CEACAM8: variants seen among roughly 807,000 people sequenced by gnomAD.
The protein encoded by CEACAM8 is CEA cell adhesion molecule 8.
A neutral mutation model predicts 33.4 loss-of-function variants in CEACAM8; 31 were observed. The ratio of observed to expected loss-of-function variants is 0.93; its 90% CI spans 0.70 to 1.25. CEACAM8 has a LOEUF of 1.25. Ranked by LOEUF, CEACAM8 falls within the 50% of genes most tolerant of loss-of-function variation. The probability of loss-of-function intolerance (pLI) is 0.00; values close to 1 mark genes in which losing one functional copy is unlikely to be tolerated. For synonymous variants in CEACAM8, 138 were observed against 164.5 expected, an observed-to-expected ratio of 0.84 and a Z score of 1.23; for missense variants, 388 against 434.6, an observed-to-expected ratio of 0.89 and a Z score of 0.95.
At chr19:42,582,356 T>G (rs1360318041) in intron 5 of CEACAM8, among the ~76,000 whole-genome samples, 1 of 152,240 alleles carries the variant, frequency 6.6e-6, no homozygotes, top group Non-Finnish European at 1.5e-5. Context: ...ATGATTATTT[T>G]TCATATCTTA....
intron 3 of CEACAM8, 106 bp downstream of exon 3, chr19:42,589,351 G>A: frequency 2.6e-6 from 4 of 1,541,542 alleles, no homozygotes; most frequent in Non-Finnish European, 3.6e-6. Flanking sequence ...CTAGGGGTGG[G>A]TGGGGAATCT....
chr19:42,593,473 C>A (rs2042483579), intron 2 of CEACAM8, 68 bp downstream of exon 2: 1 of 1,524,086 alleles, frequency 6.6e-7, no homozygotes, highest in East Asian at 2.3e-5. Flanking sequence ...ACAGCCCAGG[C>A]CTAACAATCC....
At position 42,588,800 on chromosome 19, in the gene CEACAM8, C is replaced by T; in HGVS notation, c.942G>A (p.Arg314=). 1 of 1,614,144 alleles carries T rather than the reference C, an allele frequency of 6.2e-7. No homozygotes were observed. Among genetic ancestry groups the T allele is most frequent in the Non-Finnish European group, 8.5e-7 (1 of 1,180,006 alleles). ...SATGRNRTTV[R]MITVSDALVQ... is the part of the protein sequence containing the mutation. ...TCCACTTACCAGAGACTGTGATCATCCTGACTGTGGTCCTGTTGCGGCCAG... is the reference window on the plus strand; with the variant it reads ...TCCACTTACCAGAGACTGTGATCATTCTGACTGTGGTCCTGTTGCGGCCAG... The change falls in exon 4 of 6, where the codon AGG becomes AGA. Residue 314 remains arginine (R), a synonymous_variant. Coordinates refer to ENST00000244336, the MANE Select transcript of CEACAM8 (RefSeq NM_001816.4).
chr19:42,592,890 G>A (rs1270172798), intron 2 of CEACAM8, among the ~76,000 whole-genome samples: 7 of 152,150 alleles, frequency 4.6e-5, no homozygotes, highest in Non-Finnish European at 1.0e-4. Context: ...AAGCCTCCCA[G>A]GCCAGTTGGC....
intron 4 of CEACAM8, among the ~76,000 whole-genome samples, chr19:42,586,871 C>G (rs1438522984): frequency 1.3e-5 from 2 of 152,070 alleles, no homozygotes; most frequent in Admixed American, 6.5e-5. Context: ...TGAAGAACTA[C>G]TACAAATCCA....
chr19:42,588,423 G>C (rs1324462371), intron 4 of CEACAM8, among the ~76,000 whole-genome samples: 2 of 152,164 alleles, frequency 1.3e-5, no homozygotes, highest in African/African-American at 4.8e-5. Context: ...ATAGGTAAAA[G>C]AAAACAAAGG....
In CEACAM8 at chr19:42,581,243, G is replaced by A. The variant is rs1488509891; in HGVS notation, c.*151C>T. On this transcript the variant is annotated 3_prime_UTR_variant, in exon 6 of 6. Transcript: ENST00000244336. ...AGTGGCGTGATCTTAAAGTTATCAGGAACTTGTGTTCAAGAGTACTCGTCA... is the reference window on the plus strand; with the variant it reads ...AGTGGCGTGATCTTAAAGTTATCAGAAACTTGTGTTCAAGAGTACTCGTCA... 1 of 152,108 alleles carries A rather than the reference G, an allele frequency of 6.6e-6. No individual in the cohort carries two copies. The highest frequency in any genetic ancestry group is 1.5e-5 in the Non-Finnish European group (1 of 68,012). 9.4% of individuals were successfully genotyped at this position (152,108 alleles called of 1,614,324 possible).
At position 42,583,243 on chromosome 19, in the gene CEACAM8, C is replaced by G; in HGVS notation, c.*3G>C. ...TTGAAATGCAGAAACTACACCAGAG[C>G]TACTATATCAGAGCCACCCTGGCCA... On this transcript the variant is annotated 3_prime_UTR_variant, in exon 5 of 6. Transcript: ENST00000244336. 6.3e-7 allele frequency: 1 copy of G among 1,585,440 alleles called. No homozygotes were observed. The highest frequency in any genetic ancestry group is 8.6e-7 in the Non-Finnish European group (1 of 1,156,774).
chr19:42,593,771 T>C lies in CEACAM8; in HGVS notation c.194A>G (p.Tyr65Cys). ...VHNLPQDPRGYNWYKGETVDA... is the reference protein window; with the variant it reads ...VHNLPQDPRGCNWYKGETVDA... ...CACTGTTTCCCCTTTGTACCAGTTG[T>C]AGCCACGAGGGTCCTGGGGCAGATT... Residue 65 changes from tyrosine to cysteine, a missense_variant, in exon 2 of 6, where the codon TAC (tyrosine) becomes TGC (cysteine). By Grantham distance (194) the Tyr-to-Cys change is radical. Transcript: ENST00000244336. The C allele has an allele frequency of 6.2e-7, 1 of 1,614,064 alleles. No homozygotes were observed. Among genetic ancestry groups the C allele is most frequent in the Non-Finnish European group, 8.5e-7 (1 of 1,179,996 alleles).
chr19:42,591,751 T>C (rs2042443940), intron 2 of CEACAM8, among the ~76,000 whole-genome samples: 1 of 152,182 alleles, frequency 6.6e-6, no homozygotes, highest in Non-Finnish European at 1.5e-5. Flanking sequence ...AGTAAGCCCA[T>C]CAGACAGCAC....
intron 4 of CEACAM8, among the ~76,000 whole-genome samples, chr19:42,585,809 G>A (rs562627413): frequency 5.5e-4 from 84 of 152,140 alleles, no homozygotes; most frequent in African/African-American, 1.9e-3. Context: ...TTATCTGTCT[G>A]TTCACAGACA....
chr19:42,589,839 G>T, intron 2 of CEACAM8, 104 bp from the exon 3 acceptor site: 17 of 1,580,228 alleles, frequency 1.1e-5, no homozygotes, highest in Non-Finnish European at 1.5e-5. Context: ...GCCTACTCGA[G>T]TCCTTAAAAG....
At chr19:42,589,341 C>T in intron 3 of CEACAM8, 116 bp downstream of exon 3, 2 of 1,502,548 alleles carry the variant, frequency 1.3e-6, no homozygotes, top group South Asian at 2.5e-5. Flanking sequence ...AGCTGGGTTT[C>T]TAGGGGTGGG....
chr19:42,590,644 C>T (rs45482593), intron 2 of CEACAM8, among the ~76,000 whole-genome samples: 4,564 of 152,218 alleles, frequency 0.03, 240 homozygotes, highest in African/African-American at 0.1. Flanking sequence ...ATATTTTCTC[C>T]TACTGGACAT....
At position 42,593,919 on chromosome 19, in the gene CEACAM8, A is replaced by G. The variant is rs752429536; in HGVS notation, c.65-19T>C. 2 of 1,552,286 alleles carry G rather than the reference A, an allele frequency of 1.3e-6. No individual in the cohort carries two copies. Among genetic ancestry groups the G allele is most frequent in the Admixed American group, 2.0e-5 (1 of 50,194 alleles). On this transcript the variant is annotated intron_variant, in intron 1 of 5. Transcript: ENST00000244336. ...AGTGAGGCTAGGAGGGGGAGAGAGC[A>G]TCAAGCAATATTGCAACATATGTAT...
intron 4 of CEACAM8, among the ~76,000 whole-genome samples, chr19:42,588,099 A>C (rs1296049813): frequency 6.6e-6 from 1 of 152,210 alleles, no homozygotes; most frequent in Non-Finnish European, 1.5e-5. Flanking sequence ...CCGTGACTTC[A>C]GAGCTAGGAC....
rs753834943 is a variant in CEACAM8 at position 42,593,860 on chromosome 19, C to G, written c.105G>C (p.Gln35His). ...TGGATGGCACAGCTTCAATAGTGAG[C>G]TGAGCAGTGGTGGGCGGGTTCCAGA... ...FTFWNPPTTA[Q>H]LTIEAVPSNA... Residue 35 changes from glutamine (Q) to histidine (H), a missense_variant, in exon 2 of 6, where the codon CAG (glutamine) becomes CAC (histidine). Gln to His is a conservative substitution (Grantham distance 24). Coordinates refer to ENST00000244336, the MANE Select transcript of CEACAM8 (RefSeq NM_001816.4). The G allele has an allele frequency of 1.1e-5, 18 of 1,610,686 alleles. No homozygotes were observed. The highest frequency in any genetic ancestry group is 5.5e-5 in the South Asian group (5 of 90,786).
chr19:42,584,883 A>G (rs564237047), intron 4 of CEACAM8, among the ~76,000 whole-genome samples: 52 of 152,364 alleles, frequency 3.4e-4, no homozygotes, highest in Admixed American at 5.2e-4. Flanking sequence ...TGGACAAACA[A>G]TAGAGGAAAT....
In CEACAM8 at chr19:42,594,795, G is replaced by A. The variant is rs200797632; in HGVS notation, c.34C>T (p.Arg12Cys). The A allele has an allele frequency of 5.6e-6, 9 of 1,611,030 alleles. No individual in the cohort carries two copies. Among genetic ancestry groups the A allele is most frequent in the Middle Eastern group, 1.7e-4 (1 of 6,034 alleles). ...AGCAGGAGCCCCTGCCAGGGGATGC[G>A]CCATCTGCAGGAAGGGGCTGAGATG... ...GPISAPSCRW[R>C]IPWQGLLLTA... The change falls in exon 1 of 6, where the codon CGC (arginine) becomes TGC (cysteine). Residue 12 changes from arginine to cysteine, a missense_variant. Coordinates refer to ENST00000244336, the MANE Select transcript of CEACAM8 (RefSeq NM_001816.4).
Sources: allele counts gnomAD v4.1 joint callset (sites outside exome capture counted in the v4.1 genomes callset), GRCh38; gene constraint gnomAD v4.1.1; transcripts MANE v1.5; gene names NCBI Gene and HGNC (gene_info 2026-07-23, HGNC 2026-07-21).